The following ALS2 variants were observed in gnomAD, a reference collection of about 807,000 sequenced individuals.
ALS2 encodes the protein alsin.
Under a neutral mutation model 203.4 loss-of-function variants are expected in ALS2, and 117 were observed. The observed-to-expected ratio is 0.58, with a 90% CI of 0.50 to 0.67. ALS2 has a LOEUF of 0.67. Among genes scored for constraint, ALS2 ranks in the 30% least tolerant of loss-of-function variants. The pLI is 0.00. For missense variants in ALS2, 1,715 were observed against 1,989.4 expected, an observed-to-expected ratio of 0.86 and a Z score of 2.62; for synonymous variants, 718 against 725.9, an observed-to-expected ratio of 0.99 and a Z score of 0.17.
intron 25 of ALS2, among the ~76,000 whole-genome samples, chr2:201,713,926 T>G (rs1490077533): frequency 6.6e-6 from 1 of 152,178 alleles, no homozygotes; most frequent in Non-Finnish European, 1.5e-5. Flanking sequence ...CTTGTTTATA[T>G]CCTATGGAGA....
intron 1 of ALS2, among the ~76,000 whole-genome samples, chr2:201,779,295 T>C (rs1694794760): frequency 3.9e-5 from 6 of 152,254 alleles, no homozygotes; most frequent in Admixed American, 3.9e-4. Flanking sequence ...ATTTCATTTT[T>C]CTGGATCATT....
intron 15 of ALS2, among the ~76,000 whole-genome samples, chr2:201,728,053 C>T (rs998165901): frequency 2.6e-5 from 4 of 152,140 alleles, no homozygotes; most frequent in African/African-American, 7.2e-5. Flanking sequence ...TGAAATCCAA[C>T]GCATACAGAA....
Position 201,701,680 on chromosome 2 carries a change from C to CT in ALS2, c.*170dup, listed in dbSNP as rs1344425409. On this transcript the variant is annotated 3_prime_UTR_variant, in exon 34 of 34. Coordinates refer to ENST00000264276, the MANE Select transcript of ALS2 (RefSeq NM_020919.4). ...AATCCTCCCTTTAAACTATACAGTC[C>CT]TTTTTTCTGGGCTCAGGGCTCTTAT... is the stretch of plus-strand genomic sequence containing the variant. 4 of 659,398 alleles carry CT rather than the reference C, an allele frequency of 6.1e-6. No homozygotes were observed. Among genetic ancestry groups the CT allele is most frequent in the African/African-American group, 1.8e-5 (1 of 54,694 alleles). 40.8% of individuals were successfully genotyped at this position (659,398 alleles called of 1,614,324 possible). A position where few individuals can be genotyped will look rare whatever the true frequency, so the allele number is the denominator to read the frequency against.
chr2:201,756,638 G>T (rs1442323477), intron 5 of ALS2, among the ~76,000 whole-genome samples: 2 of 152,228 alleles, frequency 1.3e-5, no homozygotes, highest in Admixed American at 1.3e-4. Context: ...CATAACCACA[G>T]CGTAGCTGAG....
At chr2:201,738,806 C>T in intron 11 of ALS2, 71 bp from the exon 12 acceptor site, 3 of 1,257,378 alleles carry the variant, frequency 2.4e-6, no homozygotes, top group Non-Finnish European at 3.5e-6. Flanking sequence ...CAAACACATA[C>T]CTGGAATAGA....
Position 201,704,482 on chromosome 2 carries a change from C to G in ALS2, c.4810G>C (p.Val1604Leu), listed in dbSNP as rs1689580471. ...FLWSMDDLFP[V>L]FLYVVLRARI... Reference sequence around the variant, plus strand: ...GCCCGTAGCACCACATATAAGAAAACAGGAAACAAGTCATCCATGGACCAC... The same window carrying G: ...GCCCGTAGCACCACATATAAGAAAAGAGGAAACAAGTCATCCATGGACCAC... Residue 1604 changes from valine (V) to leucine (L), a missense_variant, in exon 32 of 34, where the codon GTT becomes CTT. Physicochemically the swap from Val to Leu is conservative, Grantham distance 32. Transcript: ENST00000264276. 1 of 1,613,930 alleles carries G rather than the reference C, an allele frequency of 6.2e-7. No individual in the cohort carries two copies. Among genetic ancestry groups the G allele is most frequent in the African/African-American group, 1.3e-5 (1 of 74,880 alleles).
chr2:201,724,724 T>C (rs955561924), intron 20 of ALS2, among the ~76,000 whole-genome samples: 1 of 152,208 alleles, frequency 6.6e-6, no homozygotes, highest in Non-Finnish European at 1.5e-5. Context: ...AATGAGTTAT[T>C]TTTAAGAGGG....
At chr2:201,761,897 C>A in intron 3 of ALS2, 79 bp from the exon 4 acceptor site, 2 of 1,472,846 alleles carry the variant, frequency 1.4e-6, no homozygotes, top group South Asian at 2.4e-5. Flanking sequence ...AACTTTTAGT[C>A]CCCTATAGAT....
chr2:201,707,799 T>G, intron 28 of ALS2, 70 bp downstream of exon 28: 1 of 1,576,748 alleles, frequency 6.3e-7, no homozygotes, highest in Non-Finnish European at 8.7e-7. Flanking sequence ...ACTTTCTCGC[T>G]GGGACTCTTT....
intron 33 of ALS2, 69 bp from the exon 34 acceptor site, chr2:201,701,958 T>C (rs182831334): frequency 4.2e-6 from 6 of 1,416,922 alleles, no homozygotes; most frequent in African/African-American, 2.8e-5. Context: ...GCAATGCATA[T>C]GGGACTAAAG....
intron 1 of ALS2, among the ~76,000 whole-genome samples, chr2:201,780,610 G>A (rs1694861717): frequency 6.6e-6 from 1 of 152,230 alleles, no homozygotes; most frequent in Non-Finnish European, 1.5e-5. Context: ...GCGGCGCCCA[G>A]TCTGGGGAGG....
intron 1 of ALS2, among the ~76,000 whole-genome samples, chr2:201,779,750 G>A (rs966141851): frequency 6.6e-6 from 1 of 152,162 alleles, no homozygotes; most frequent in Admixed American, 6.5e-5. Flanking sequence ...TAAATAACTT[G>A]CCCAAAATCA....
chr2:201,709,408 A>G (rs1374556715), intron 27 of ALS2, among the ~76,000 whole-genome samples: 1 of 152,194 alleles, frequency 6.6e-6, no homozygotes, highest in Non-Finnish European at 1.5e-5. Flanking sequence ...GTTCACTGAT[A>G]AATCCCTTGA....
rs1319886798 is a variant in ALS2, at chr2:201,706,959, C to G, written c.4467G>C (p.Leu1489=). 6.2e-6 allele frequency: 10 copies of G among 1,614,024 alleles called. No homozygotes were observed. The highest frequency in any genetic ancestry group is 1.6e-4 in the Middle Eastern group (1 of 6,062). Residue 1489 remains leucine (L), a synonymous_variant, in exon 29 of 34, where the codon CTG becomes CTC. Coordinates refer to ENST00000264276, the MANE Select transcript of ALS2 (RefSeq NM_020919.4). ...PVLLPRLYPP[L]FMLYALDNDR... is the part of the protein sequence containing the mutation. ...CATTATCCAAAGCATAAAGCATAAA[C>G]AGCGGTGGGTAGAGCCGAGGTAGCA...
At chr2:201,720,924 T>C (rs1690752020) in intron 23 of ALS2, among the ~76,000 whole-genome samples, 1 of 152,176 alleles carries the variant, frequency 6.6e-6, no homozygotes, top group African/African-American at 2.4e-5. Context: ...GATATGATTC[T>C]GTATGTAAGA....
intron 11 of ALS2, among the ~76,000 whole-genome samples, chr2:201,739,350 G>A (rs902417281): frequency 1.3e-5 from 2 of 151,532 alleles, no homozygotes; most frequent in Admixed American, 6.6e-5. Context: ...TATCTATTAC[G>A]TGGTAACTTA....
At chr2:201,760,152 C>T (rs1188585971) in intron 4 of ALS2, 1 of 577,146 alleles carries the variant, frequency 1.7e-6, no homozygotes, top group African/African-American at 2.0e-5. Flanking sequence ...CTCTACTCTA[C>T]TTAAAAATAA....
intron 16 of ALS2, among the ~76,000 whole-genome samples, chr2:201,727,488 C>A (rs763796715): frequency 6.6e-6 from 1 of 152,184 alleles, no homozygotes; most frequent in African/African-American, 2.4e-5. Context: ...AATGAAGATG[C>A]CCTTTCATCA....
chr2:201,753,016 T>C (rs1444857708), intron 7 of ALS2, 130 bp downstream of exon 7: 10 of 817,974 alleles, frequency 1.2e-5, no homozygotes, highest in Admixed American at 3.6e-5. Flanking sequence ...ATACAAAATA[T>C]TGGAAAGCTA....
Sources: gnomAD v4.1 joint callset for allele counts (sites outside exome capture counted in the v4.1 genomes callset) on GRCh38, gnomAD v4.1.1 for gene constraint, MANE v1.5 for transcripts, NCBI Gene and HGNC (gene_info 2026-07-23, HGNC 2026-07-21) for gene names.